The following PPP6C variants were observed in gnomAD, a reference collection of about 807,000 sequenced individuals.
The protein encoded by PPP6C is protein phosphatase 6 catalytic subunit.
A neutral mutation model predicts 39.8 loss-of-function variants in PPP6C; 11 were observed. The observed-to-expected ratio is 0.28, with a 90% CI of 0.17 to 0.46. PPP6C has a LOEUF of 0.46. Among genes scored for constraint, PPP6C ranks in the 20% least tolerant of loss-of-function variants. The probability of loss-of-function intolerance (pLI) is 1.00; values close to 1 mark genes in which losing one functional copy is unlikely to be tolerated. For synonymous variants in PPP6C, 129 were observed against 130.3 expected, an observed-to-expected ratio of 0.99 and a Z score of 0.07; for missense variants, 211 against 373.9, an observed-to-expected ratio of 0.56 and a Z score of 3.59.
intron 2 of PPP6C, among the ~76,000 whole-genome samples, chr9:125,162,485 T>C (rs1265109882): frequency 8.9e-6 from 1 of 111,960 alleles, no homozygotes. Context: ...AAAAAAAAAG[T>C]GTTATGGTCC....
In PPP6C at chr9:125,189,735, CGCGGCAACAGCG is replaced by C. The variant is rs768720017; in HGVS notation, c.-29_-18del. On this transcript the variant is annotated 5_prime_UTR_variant, in exon 1 of 7. Transcript: ENST00000373547. ...CGGCGCCATTTTAAGAATAACAAGCCGCGGCAACAGCGGCGGCGGCGGCTGTAGCAGCGGCGG... is the reference window on the plus strand; with the variant it reads ...CGGCGCCATTTTAAGAATAACAAGCCGCGGCGGCGGCTGTAGCAGCGGCGG... The C allele has an allele frequency of 1.8e-5, 28 of 1,566,490 alleles. No individual in the cohort carries two copies. Among genetic ancestry groups the C allele is most frequent in the Non-Finnish European group, 2.4e-5 (28 of 1,160,736 alleles).
chr9:125,172,872 G>A (rs1444301266), intron 1 of PPP6C, among the ~76,000 whole-genome samples: 2 of 152,176 alleles, frequency 1.3e-5, no homozygotes, highest in African/African-American at 4.8e-5. Context: ...GGCTGATGTT[G>A]TATTGGTTGT....
In PPP6C at chr9:125,147,049, T is replaced by C. The variant is rs939294808; in HGVS notation, c.*2624A>G. On this transcript the variant is annotated 3_prime_UTR_variant, in exon 7 of 7. Coordinates refer to ENST00000373547, the MANE Select transcript of PPP6C (RefSeq NM_002721.5). Reference sequence around the variant, plus strand: ...AACAGTTCTAGACATCCAGACAGAATAGGAGCTGATGCAGATTGCATATGA... The same window carrying C: ...AACAGTTCTAGACATCCAGACAGAACAGGAGCTGATGCAGATTGCATATGA... 3 of 152,172 alleles carry C rather than the reference T, an allele frequency of 2.0e-5. No individual in the cohort carries two copies. Among genetic ancestry groups the C allele is most frequent in the Non-Finnish European group, 2.9e-5 (2 of 68,036 alleles). 9.4% of individuals were successfully genotyped at this position (152,172 alleles called of 1,614,324 possible).
chr9:125,160,682 T>C lies in PPP6C; in HGVS notation c.237+159A>G, dbSNP rs150450414. Among the ~76,000 whole-genome samples the C allele has an allele frequency of 8.0e-3, 1,224 of 152,314 alleles. 21 individuals carry two copies. The highest frequency in any genetic ancestry group is 0.028 in the African/African-American group (1,145 of 41,558). On this transcript the variant is annotated intron_variant, in intron 3 of 6. Coordinates refer to ENST00000373547, the MANE Select transcript of PPP6C (RefSeq NM_002721.5). ...CTTTTGTAAATTGCCCAGTCTCAGG[T>C]ATGTCTTTATCAGCGGCGTGAAAAC...
chr9:125,148,099 T>G lies in PPP6C; in HGVS notation c.*1574A>C. 5.4e-6 allele frequency: 1 copy of G among 186,260 alleles called. No individual in the cohort carries two copies. Among genetic ancestry groups the G allele is most frequent in the Admixed American group, 4.2e-5 (1 of 23,644 alleles). The allele number at this position is 186,260 out of a possible 1,614,324, so 11.5% of individuals were successfully genotyped here. On this transcript the variant is annotated 3_prime_UTR_variant, in exon 7 of 7. Coordinates refer to ENST00000373547, the MANE Select transcript of PPP6C (RefSeq NM_002721.5). Reference sequence around the variant, plus strand: ...GGAAAAAAATTAAATCAAAACAGTATTGTGCTCAATTAATAAAAGAAAACC... The same window carrying G: ...GGAAAAAAATTAAATCAAAACAGTAGTGTGCTCAATTAATAAAAGAAAACC...
At position 125,189,762 on chromosome 9, in the gene PPP6C, A is replaced by G. The variant is rs2131350542; in HGVS notation, c.-44T>C. On this transcript the variant is annotated 5_prime_UTR_variant, in exon 1 of 7. Coordinates refer to ENST00000373547, the MANE Select transcript of PPP6C (RefSeq NM_002721.5). ...CGGCAACAGCGGCGGCGGCGGCTGT[A>G]GCAGCGGCGGCGGCAGCGGCGGAGG... 2.6e-6 allele frequency: 4 copies of G among 1,547,484 alleles called. No homozygotes were observed. The highest frequency in any genetic ancestry group is 2.6e-6 in the Non-Finnish European group (3 of 1,148,280).
rs1835841962 is a variant in PPP6C at position 125,147,629 on chromosome 9, A to G, written c.*2044T>C. 1 of 152,216 alleles carries G rather than the reference A, an allele frequency of 6.6e-6. No individual in the cohort carries two copies. Among genetic ancestry groups the G allele is most frequent in the Non-Finnish European group, 1.5e-5 (1 of 68,028 alleles). 9.4% of individuals were successfully genotyped at this position (152,216 alleles called of 1,614,324 possible). On this transcript the variant is annotated 3_prime_UTR_variant, in exon 7 of 7. Transcript: ENST00000373547. ...GAATATTATTGGCACGTGCCCAACT[A>G]GTGACAAACAAATGCAGTACACAAT...
intron 1 of PPP6C, among the ~76,000 whole-genome samples, chr9:125,178,339 C>T (rs1829347494): frequency 6.6e-6 from 1 of 152,106 alleles, no homozygotes; most frequent in African/African-American, 2.4e-5. Flanking sequence ...TGGATTTTGG[C>T]CATTCTAATA....
intron 4 of PPP6C, among the ~76,000 whole-genome samples, chr9:125,154,224 G>A (rs1444906598): frequency 6.6e-6 from 1 of 152,200 alleles, no homozygotes; most frequent in Non-Finnish European, 1.5e-5. Flanking sequence ...TGCATTGTTA[G>A]GTGATTTCAT....
In PPP6C at chr9:125,173,650, G is replaced by A. The variant is rs534141529; in HGVS notation, c.76-2470C>T. Among the ~76,000 whole-genome samples, 15 of 151,820 alleles carry A rather than the reference G, an allele frequency of 9.9e-5. No individual in the cohort carries two copies. The East Asian group carries it at 2.3e-3, about 24-fold the overall frequency. On this transcript the variant is annotated intron_variant, in intron 1 of 6. Coordinates refer to ENST00000373547, the MANE Select transcript of PPP6C (RefSeq NM_002721.5). Reference sequence around the variant, plus strand: ...TTTTATTTTTTTGAGACAGAATCTCGCTCTGTTGCCAGGCTGGAGTGCAGT... The same window carrying A: ...TTTTATTTTTTTGAGACAGAATCTCACTCTGTTGCCAGGCTGGAGTGCAGT...
At chr9:125,156,748 T>TCG (rs1217733163) in intron 4 of PPP6C, among the ~76,000 whole-genome samples, 1 of 130,874 alleles carries the variant, frequency 7.6e-6, no homozygotes, top group Non-Finnish European at 1.6e-5. Flanking sequence ...AAGCTCGCTC[T>TCG]CTCTCTCTCT....
intron 1 of PPP6C, among the ~76,000 whole-genome samples, chr9:125,174,136 T>A (rs531619231): frequency 1.3e-5 from 2 of 152,322 alleles, no homozygotes; most frequent in Admixed American, 1.3e-4. Context: ...CAAAGGCTTA[T>A]TGGATTTTAC....
intron 1 of PPP6C, among the ~76,000 whole-genome samples, chr9:125,185,618 C>T (rs1477175919): frequency 1.3e-5 from 2 of 150,582 alleles, no homozygotes; most frequent in Non-Finnish European, 2.9e-5. Flanking sequence ...CGCTTGAATC[C>T]GGGAGGCGGA....
Position 125,189,702 on chromosome 9 carries a change from A to G in PPP6C, c.17T>C (p.Leu6Pro), listed in dbSNP as rs1399633324. The G allele has an allele frequency of 1.2e-6, 2 of 1,605,968 alleles. No individual in the cohort carries two copies. The highest frequency in any genetic ancestry group is 3.4e-5 in the Admixed American group (2 of 58,706). ...CCGCGCTATTTCCACATACTTGTCC[A>G]GGTCTAGCGGCGCCATTTTAAGAAT... MAPLD[L>P]DKYVEIARLC... is the part of the protein sequence containing the mutation. Residue 6 changes from leucine to proline, a missense_variant, in exon 1 of 7, where the codon CTG (leucine) becomes CCG (proline). Around this residue, in one of 2 missense-constraint regions of PPP6C, gnomAD observed 43 missense variants for 31.3 expected, o/e 1.38. Coordinates refer to ENST00000373547, the MANE Select transcript of PPP6C (RefSeq NM_002721.5).
At chr9:125,175,644 A>G (rs1343341819) in intron 1 of PPP6C, among the ~76,000 whole-genome samples, 5 of 147,994 alleles carry the variant, frequency 3.4e-5, no homozygotes, top group African/African-American at 1.2e-4. Context: ...CTCCGTCTCA[A>G]AAAAAAAAAA....
intron 1 of PPP6C, among the ~76,000 whole-genome samples, chr9:125,182,505 A>T (rs1168834694): frequency 2.0e-5 from 3 of 152,038 alleles, no homozygotes; most frequent in Non-Finnish European, 4.4e-5. Flanking sequence ...TAACTAAATA[A>T]ATATCTAGCT....
chr9:125,177,432 C>T (rs983333530), intron 1 of PPP6C, among the ~76,000 whole-genome samples: 7 of 151,900 alleles, frequency 4.6e-5, no homozygotes, highest in Admixed American at 4.6e-4. Flanking sequence ...CACAGTGGCT[C>T]GCGCCTGTAA....
chr9:125,167,843 G>T (rs921713725), intron 2 of PPP6C, among the ~76,000 whole-genome samples: 1 of 96,660 alleles, frequency 1.0e-5, no homozygotes, highest in Non-Finnish European at 2.2e-5. Context: ...GGGGGGGGGG[G>T]GGGGTATCAT....
chr9:125,163,684 C>T (rs558978808), intron 2 of PPP6C, among the ~76,000 whole-genome samples: 1 of 151,968 alleles, frequency 6.6e-6, no homozygotes. Context: ...CCGCCTCGGC[C>T]TCTCAAAGTG....
Sources: gnomAD v4.1 joint callset for allele counts (sites outside exome capture counted in the v4.1 genomes callset) on GRCh38, gnomAD v4.1.1 for gene constraint, gnomAD v4.1.1 regional missense constraint, MANE v1.5 for transcripts, NCBI Gene and HGNC (gene_info 2026-07-23, HGNC 2026-07-21) for gene names.